RBMS1: variants seen among roughly 807,000 people sequenced by gnomAD.
The protein encoded by RBMS1 is RNA binding motif single stranded interacting protein 1.
A neutral mutation model predicts 62.3 loss-of-function variants in RBMS1; 17 were observed. The ratio of observed to expected loss-of-function variants is 0.27; its 90% CI spans 0.19 to 0.41. The LOEUF is 0.41. Ranked by LOEUF, RBMS1 falls within the 10% of genes least tolerant of loss-of-function variation. The pLI, the probability that RBMS1 is intolerant of heterozygous loss-of-function variation, is 1.00. For missense variants in RBMS1, 334 were observed against 504.5 expected (o/e 0.66, Z 3.24); for synonymous variants, 172 against 170.0 (o/e 1.01, Z -0.09).
At chr2:160,344,821 C>A (rs1692086122) in intron 2 of RBMS1, among the ~76,000 whole-genome samples, 1 of 152,102 alleles carries the variant, frequency 6.6e-6, no homozygotes. Flanking sequence ...TAGCACAGTG[C>A]TGGACACATA....
Position 160,287,089 on chromosome 2 carries a change from G to C in RBMS1, c.641-5C>G. 6.2e-7 allele frequency: 1 copy of C among 1,613,842 alleles called. No homozygotes were observed. The highest frequency in any genetic ancestry group is 8.5e-7 in the Non-Finnish European group (1 of 1,179,932). The stretch of plus-strand genomic sequence containing the variant: ...ACAATAAAGGTTCTGTGGGGGCTAA[G>C]TAAACAGAGAAAAATAAAATGAAAC... On this transcript the variant is annotated splice_region_variant and splice_polypyrimidine_tract_variant and intron_variant, in intron 6 of 13. Coordinates refer to ENST00000348849, the MANE Select transcript of RBMS1 (RefSeq NM_016836.4).
intron 2 of RBMS1, among the ~76,000 whole-genome samples, chr2:160,341,840 C>G (rs1433124111): frequency 2.0e-5 from 3 of 152,152 alleles, no homozygotes; most frequent in Non-Finnish European, 4.4e-5. Flanking sequence ...ATAAATGAAC[C>G]TGGGCAAGAC....
chr2:160,397,959 A>C (rs1574000166), intron 1 of RBMS1, among the ~76,000 whole-genome samples: 1 of 152,144 alleles, frequency 6.6e-6, no homozygotes, highest in Non-Finnish European at 1.5e-5. Flanking sequence ...TGCTCCCCGA[A>C]GTCTGTCCCA....
intron 6 of RBMS1, among the ~76,000 whole-genome samples, 170 bp from the exon 7 acceptor site, chr2:160,287,254 T>C (rs537796068): frequency 3.5e-4 from 54 of 152,328 alleles, no homozygotes; most frequent in African/African-American, 1.3e-3. Flanking sequence ...ATGAAAAACA[T>C]AGTGCAGAAA....
At chr2:160,294,378 C>A (rs1192808305) in intron 6 of RBMS1, among the ~76,000 whole-genome samples, 1 of 152,130 alleles carries the variant, frequency 6.6e-6, no homozygotes, top group Non-Finnish European at 1.5e-5. Flanking sequence ...TAACCATGTG[C>A]TTTATTATGT....
rs71006610 is a variant in RBMS1 at position 160,481,078 on chromosome 2, T to TAA, written c.75+12209_75+12210dup. Among the ~76,000 whole-genome samples, 26 of 112,460 alleles carry TAA rather than the reference T, an allele frequency of 2.3e-4. No individual in the cohort carries two copies. In the East Asian group the frequency reaches 4.4e-3, roughly 19 times the overall value. 73.8% of individuals were successfully genotyped at this position (112,460 alleles called of 152,430 possible). On this transcript the variant is annotated intron_variant, in intron 1 of 13. Transcript: ENST00000348849. ...CCTAGGCAACAGAGTGAGACTGCCTTAAAAAAAAAAAAAAAAAAAAGCAGG... is the reference window on the plus strand; with the variant it reads ...CCTAGGCAACAGAGTGAGACTGCCTTAAAAAAAAAAAAAAAAAAAAAAGCAGG...
chr2:160,441,542 G>A (rs2105303977), intron 1 of RBMS1, among the ~76,000 whole-genome samples: 1 of 152,274 alleles, frequency 6.6e-6, no homozygotes, highest in Non-Finnish European at 1.5e-5. Context: ...TGGGGAACAT[G>A]GCAAGACTGC....
At position 160,273,966 on chromosome 2, in the gene RBMS1, T is replaced by C. The variant is rs1687697606; in HGVS notation, c.*806A>G. On this transcript the variant is annotated 3_prime_UTR_variant, in exon 14 of 14. Transcript: ENST00000348849. ...TTCTTGCATTTCACTACCTTACACA[T>C]TATGTGAAAAATCATTAAAAACACC... 6.6e-6 allele frequency: 1 copy of C among 152,618 alleles called. No homozygotes were observed. Among genetic ancestry groups the C allele is most frequent in the South Asian group, 2.1e-4 (1 of 4,834 alleles). 9.5% of individuals were successfully genotyped at this position (152,618 alleles called of 1,614,324 possible). A position where few individuals can be genotyped will look rare whatever the true frequency, so the allele number is the denominator to read the frequency against.
chr2:160,352,727 C>T (rs1056312709), intron 2 of RBMS1, among the ~76,000 whole-genome samples: 27 of 152,228 alleles, frequency 1.8e-4, no homozygotes, highest in African/African-American at 6.3e-4. Context: ...CATGCTCAAA[C>T]AAATGCCAGG....
intron 2 of RBMS1, among the ~76,000 whole-genome samples, chr2:160,321,522 TTC>T (rs1164394063): frequency 2.0e-5 from 3 of 152,186 alleles, no homozygotes; most frequent in Non-Finnish European, 2.9e-5. Flanking sequence ...GCTTTGGTTT[TTC>T]TCTCTTCCTC....
chr2:160,451,438 T>C (rs2105319631), intron 1 of RBMS1, among the ~76,000 whole-genome samples: 1 of 152,240 alleles, frequency 6.6e-6, no homozygotes, highest in South Asian at 2.1e-4. Flanking sequence ...AGTATTTCCT[T>C]TACAATGTAC....
At chr2:160,492,979 C>G in intron 1 of RBMS1, 1 of 299,964 alleles carries the variant, frequency 3.3e-6, no homozygotes, top group Non-Finnish European at 6.1e-6. Context: ...AGCCAGGGCT[C>G]GGCGAGGGGC....
At chr2:160,405,887 T>C (rs1695678559) in intron 1 of RBMS1, among the ~76,000 whole-genome samples, 1 of 152,114 alleles carries the variant, frequency 6.6e-6, no homozygotes, top group Non-Finnish European at 1.5e-5. Context: ...TAATTAGCCA[T>C]CTTTTCAGGT....
At chr2:160,403,975 A>T (rs1026539832) in intron 1 of RBMS1, among the ~76,000 whole-genome samples, 3 of 152,218 alleles carry the variant, frequency 2.0e-5, no homozygotes, top group African/African-American at 7.2e-5. Flanking sequence ...TTTGTTTCAA[A>T]ACACACTAAA....
chr2:160,313,032 T>C, intron 4 of RBMS1, 124 bp downstream of exon 4: 1 of 818,682 alleles, frequency 1.2e-6, no homozygotes, highest in Non-Finnish European at 1.9e-6. Flanking sequence ...AGGACAAGTG[T>C]CCAGAAGGCG....
chr2:160,324,256 C>A (rs1322413957), intron 2 of RBMS1, among the ~76,000 whole-genome samples: 1 of 145,686 alleles, frequency 6.9e-6, no homozygotes, highest in Non-Finnish European at 1.5e-5. Context: ...AGCATGCGTG[C>A]GCGTGCACAC....
chr2:160,437,003 G>GAGC (rs1164071327), intron 1 of RBMS1, among the ~76,000 whole-genome samples: 2 of 152,162 alleles, frequency 1.3e-5, no homozygotes, highest in Non-Finnish European at 2.9e-5. Flanking sequence ...CGAACCTGGG[G>GAGC]AGCATAGCTA....
intron 10 of RBMS1, 199 bp from the exon 11 acceptor site, chr2:160,278,857 G>T (rs955773721): frequency 9.8e-6 from 5 of 510,434 alleles, no homozygotes; most frequent in Non-Finnish European, 1.7e-5. Flanking sequence ...TTTTAAGAGC[G>T]TTAGGGGAAA....
chr2:160,357,944 G>C (rs1692895523), intron 2 of RBMS1, among the ~76,000 whole-genome samples: 1 of 152,052 alleles, frequency 6.6e-6, no homozygotes, highest in Non-Finnish European at 1.5e-5. Flanking sequence ...GAAATCTGGG[G>C]ATTTCCAAAA....
Sources: allele counts gnomAD v4.1 joint callset (sites outside exome capture counted in the v4.1 genomes callset), GRCh38; gene constraint gnomAD v4.1.1; transcripts MANE v1.5; gene names NCBI Gene and HGNC (gene_info 2026-07-23, HGNC 2026-07-21).